Variants in CNTN6 observed in about 807,000 individuals in gnomAD.
CNTN6 encodes the protein contactin 6.
A neutral mutation model predicts 122.8 loss-of-function variants in CNTN6; 137 were observed. That is an observed-to-expected ratio of 1.12 (90% CI 0.97 to 1.29). The LOEUF (loss-of-function observed/expected upper bound fraction) is 1.29, where lower values mean the gene tolerates loss of function less well. CNTN6 is among the 50% of genes most tolerant of loss of function. CNTN6 has a pLI of 0.00. For missense variants in CNTN6, 1,634 were observed against 1,223.4 expected (o/e 1.34, Z -5.01); for synonymous variants, 570 against 426.0 (o/e 1.34, Z -4.16).
At chr3:1,271,761 T>C (rs2095031545) in intron 4 of CNTN6, among the ~76,000 whole-genome samples, 1 of 152,150 alleles carries the variant, frequency 6.6e-6, no homozygotes, top group South Asian at 2.1e-4. Context: ...GTACAACTTT[T>C]TGGAAAAGCA....
chr3:1,326,823 T>G (rs560106844), intron 9 of CNTN6, among the ~76,000 whole-genome samples: 151 of 152,026 alleles, frequency 9.9e-4, no homozygotes, highest in Non-Finnish European at 1.4e-3. Flanking sequence ...CCTATTTTCC[T>G]TTTCCCTAGA....
intron 11 of CNTN6, among the ~76,000 whole-genome samples, chr3:1,346,197 G>A (rs1468119136): frequency 6.6e-6 from 1 of 152,140 alleles, no homozygotes; most frequent in East Asian, 1.9e-4. Flanking sequence ...AAAAAAGGAT[G>A]TGAATGTTAA....
At chr3:1,305,512 C>A (rs1048630554) in intron 7 of CNTN6, among the ~76,000 whole-genome samples, 1 of 152,034 alleles carries the variant, frequency 6.6e-6, no homozygotes, top group Non-Finnish European at 1.5e-5. Context: ...CTGAGAAGCT[C>A]CTTGTATAGG....
chr3:1,366,235 C>T (rs1245327520), intron 12 of CNTN6, among the ~76,000 whole-genome samples: 3 of 152,110 alleles, frequency 2.0e-5, no homozygotes, highest in Non-Finnish European at 2.9e-5. Flanking sequence ...GAAATGAAAG[C>T]GAATAAGTAA....
chr3:1,116,392 C>T (rs2091719727), intron 1 of CNTN6, among the ~76,000 whole-genome samples: 1 of 152,076 alleles, frequency 6.6e-6, no homozygotes, highest in African/African-American at 2.4e-5. Flanking sequence ...CAAAAACAAA[C>T]AAACAAACAA....
chr3:1,191,455 A>C (rs1001101433), intron 2 of CNTN6, among the ~76,000 whole-genome samples: 9 of 152,280 alleles, frequency 5.9e-5, no homozygotes, highest in African/African-American at 2.2e-4. Flanking sequence ...TCTGGGTTAC[A>C]AATGCATCCA....
intron 1 of CNTN6, among the ~76,000 whole-genome samples, chr3:1,112,218 A>G (rs542765237): frequency 2.0e-5 from 3 of 152,336 alleles, no homozygotes; most frequent in African/African-American, 7.2e-5. Flanking sequence ...AGTAAGAAAG[A>G]TAGACACTGT....
chr3:1,293,403 G>C (rs1695664718), intron 5 of CNTN6, among the ~76,000 whole-genome samples: 1 of 151,780 alleles, frequency 6.6e-6, no homozygotes, highest in Non-Finnish European at 1.5e-5. Flanking sequence ...CTATAGATCA[G>C]ATTTAAGTCC....
chr3:1,303,270 T>A (rs574550582), intron 7 of CNTN6, among the ~76,000 whole-genome samples: 17 of 152,322 alleles, frequency 1.1e-4, no homozygotes, highest in Admixed American at 7.2e-4. Context: ...AGTTTCATTG[T>A]ATTTGAGTCT....
intron 4 of CNTN6, among the ~76,000 whole-genome samples, chr3:1,241,726 C>T (rs2094487707): frequency 6.6e-6 from 1 of 152,130 alleles, no homozygotes; most frequent in Non-Finnish European, 1.5e-5. Context: ...AAACAACACT[C>T]CTCATTTAAG....
At chr3:1,367,279 C>T (rs1308759018) in intron 12 of CNTN6, among the ~76,000 whole-genome samples, 1 of 152,040 alleles carries the variant, frequency 6.6e-6, no homozygotes, top group Non-Finnish European at 1.5e-5. Flanking sequence ...ACTTAGTACG[C>T]TGTGAACAAC....
intron 11 of CNTN6, among the ~76,000 whole-genome samples, chr3:1,340,073 T>G (rs371504790): frequency 6.6e-6 from 1 of 152,138 alleles, no homozygotes; most frequent in African/African-American, 2.4e-5. Context: ...TTATTCATAT[T>G]TTTAGATGAG....
intron 20 of CNTN6, among the ~76,000 whole-genome samples, chr3:1,399,206 A>G (rs988217891): frequency 3.3e-5 from 5 of 152,166 alleles, no homozygotes; most frequent in African/African-American, 9.6e-5. Context: ...ATTTTAAAGA[A>G]CAGAGATAAA....
At chr3:1,102,279 T>A (rs2090941538) in intron 1 of CNTN6, among the ~76,000 whole-genome samples, 1 of 152,150 alleles carries the variant, frequency 6.6e-6, no homozygotes, top group Non-Finnish European at 1.5e-5. Context: ...ATAGCAGGAG[T>A]GCAATATACT....
chr3:1,192,803 T>C (rs1005449614), intron 2 of CNTN6, among the ~76,000 whole-genome samples: 85 of 152,258 alleles, frequency 5.6e-4, no homozygotes, highest in African/African-American at 1.9e-3. Context: ...ATATTTCTCT[T>C]TTATTTTTGT....
Position 1,383,173 on chromosome 3 carries a change from G to C in CNTN6, c.2398G>C (p.Asp800His). The C allele has an allele frequency of 6.2e-7, 1 of 1,611,632 alleles. No homozygotes were observed. The change falls in exon 18 of 23, where the codon GAT (aspartate) becomes CAT (histidine). Residue 800 changes from aspartate (D) to histidine (H), a missense_variant. Physicochemically the swap from Asp to His is moderately conservative, Grantham distance 81 (BLOSUM62 -1). Coordinates refer to ENST00000446702, the MANE Select transcript of CNTN6 (RefSeq NM_001289080.2). ...TGTGACCATTGTCTACTCTGGGGAA[G>C]ATGGTAAGTTGTCCTCAACTCTGGT... ...STVTIVYSGE[D>H]EPQLAPRGTS...
chr3:1,346,038 A>G (rs1704638043), intron 11 of CNTN6, among the ~76,000 whole-genome samples: 1 of 151,914 alleles, frequency 6.6e-6, no homozygotes, highest in African/African-American at 2.4e-5. Context: ...TTTGTCCTCA[A>G]ACTTTGTACA....
chr3:1,120,327 G>A (rs575530781), intron 1 of CNTN6, among the ~76,000 whole-genome samples: 96 of 152,010 alleles, frequency 6.3e-4, no homozygotes, highest in African/African-American at 2.2e-3. Context: ...AGCAATATAC[G>A]AAAGGTTTAG....
rs2093862065 is a variant in CNTN6 at position 1,201,099 on chromosome 3, T to TGTGTGTGTGTG, written c.56-19588_56-19587insGTGTGTGTGTG. Reference sequence around the variant, plus strand: ...GGCACCACTGTGCCCAGCTAACATTTTGTGTGTGTGTGTGTGTGTGTGTGT... The same window carrying TGTGTGTGTGTG: ...GGCACCACTGTGCCCAGCTAACATTTGTGTGTGTGTGTGTGTGTGTGTGTGTGTGTGTGTGT... On this transcript the variant is annotated intron_variant, in intron 2 of 22. Coordinates refer to ENST00000446702, the MANE Select transcript of CNTN6 (RefSeq NM_001289080.2). Among the ~76,000 whole-genome samples the TGTGTGTGTGTG allele has an allele frequency of 9.5e-4, 124 of 130,088 alleles. 1 individual carries two copies. Among genetic ancestry groups the TGTGTGTGTGTG allele is most frequent in the African/African-American group, 3.5e-3 (121 of 34,946 alleles). 85.3% of individuals were successfully genotyped at this position (130,088 alleles called of 152,430 possible). A position where few individuals can be genotyped will look rare whatever the true frequency, so the allele number is the denominator to read the frequency against.
Sources: gnomAD v4.1 joint callset for allele counts (sites outside exome capture counted in the v4.1 genomes callset) on GRCh38, gnomAD v4.1.1 for gene constraint, MANE v1.5 for transcripts, NCBI Gene and HGNC (gene_info 2026-07-23, HGNC 2026-07-21) for gene names.